Variants in CKAP5 observed in about 807,000 individuals in gnomAD.
CKAP5 encodes the protein cytoskeleton-associated protein 5.
CKAP5 carries 27 observed loss-of-function variants against 232.8 expected under a neutral mutation model. The observed-to-expected ratio is 0.12, with a 90% CI of 0.09 to 0.16. The LOEUF is 0.16. CKAP5 is among the 10% of genes least tolerant of loss of function. The probability of loss-of-function intolerance (pLI) is 1.00; values close to 1 mark genes in which losing one functional copy is unlikely to be tolerated. For synonymous variants in CKAP5, 785 were observed against 841.1 expected (o/e 0.93, Z 1.16); for missense variants, 1,838 against 2,424.7 (o/e 0.76, Z 5.08).
At chr11:46,788,586 AATC>A in intron 16 of CKAP5, 92 bp downstream of exon 16, 1 of 795,646 alleles carries the variant, frequency 1.3e-6, no homozygotes, top group South Asian at 1.6e-5. Context: ...AAAAAAAAAA[AATC>A]ATTACGAAAA....
At chr11:46,753,026 CATG>C in intron 37 of CKAP5, 1 of 434,742 alleles carries the variant, frequency 2.3e-6, no homozygotes, top group Non-Finnish European at 4.0e-6. Context: ...ATAGAAAATG[CATG>C]ATATTGGCTG....
chr11:46,783,147 TATATAA>T, intron 18 of CKAP5, 121 bp downstream of exon 18: 1 of 523,582 alleles, frequency 1.9e-6, no homozygotes, highest in Non-Finnish European at 3.3e-6. Flanking sequence ...AATTTTCTTT[TATATAA>T]ATGAGACAAT....
At chr11:46,751,953 TCACA>T (rs2065067374) in intron 38 of CKAP5, among the ~76,000 whole-genome samples, 1 of 151,888 alleles carries the variant, frequency 6.6e-6, no homozygotes, top group African/African-American at 2.4e-5. Context: ...TTGGTCTCTT[TCACA>T]AAAGAGACCA....
chr11:46,796,902 T>C lies in CKAP5; in HGVS notation c.1377A>G (p.Ala459=). 1 of 1,614,072 alleles carries C rather than the reference T, an allele frequency of 6.2e-7. No homozygotes were observed. The highest frequency in any genetic ancestry group is 8.5e-7 in the Non-Finnish European group (1 of 1,179,952). ...NDSAPEVRDA[A]FEALGTALKV... is the part of the protein sequence containing the mutation. ...TCAAAGCAGTACCCAATGCTTCAAATGCGGCATCTCTGACTTCAGGAGCAG... is the reference window on the plus strand; with the variant it reads ...TCAAAGCAGTACCCAATGCTTCAAACGCGGCATCTCTGACTTCAGGAGCAG... The change falls in exon 12 of 44, where the codon GCA becomes GCG. Residue 459 remains alanine, a synonymous_variant. Transcript: ENST00000529230.
chr11:46,813,892 T>C (rs1328743114), intron 4 of CKAP5, among the ~76,000 whole-genome samples: 2 of 152,084 alleles, frequency 1.3e-5, no homozygotes, highest in African/African-American at 2.4e-5. Context: ...CCCAGCACTT[T>C]GGGAGGCCGA....
intron 26 of CKAP5, among the ~76,000 whole-genome samples, chr11:46,769,255 G>A (rs766200728): frequency 6.6e-6 from 1 of 152,136 alleles, no homozygotes; most frequent in Non-Finnish European, 1.5e-5. Context: ...AAGAAATCAA[G>A]AATTATCCCT....
chr11:46,799,904 G>C (rs1938987012), intron 9 of CKAP5, among the ~76,000 whole-genome samples: 1 of 152,082 alleles, frequency 6.6e-6, no homozygotes, highest in Non-Finnish European at 1.5e-5. Context: ...AGGAGACTGA[G>C]GTGGGAGGAT....
intron 1 of CKAP5, among the ~76,000 whole-genome samples, chr11:46,826,410 C>G (rs935850822): frequency 1.3e-5 from 2 of 152,136 alleles, no homozygotes; most frequent in African/African-American, 4.8e-5. Context: ...CTTCAAATAC[C>G]AGGGTAAGGA....
intron 35 of CKAP5, among the ~76,000 whole-genome samples, chr11:46,755,906 G>A (rs968605480): frequency 6.6e-6 from 1 of 152,116 alleles, no homozygotes; most frequent in African/African-American, 2.4e-5. Context: ...TCCAGCCTGG[G>A]TGACAAAGCG....
chr11:46,839,152 G>A (rs1479300418), intron 1 of CKAP5, among the ~76,000 whole-genome samples: 5 of 152,176 alleles, frequency 3.3e-5, no homozygotes. Context: ...GAAAAGTGAA[G>A]TAAAAGTGAC....
chr11:46,836,666 T>C (rs568367924), intron 1 of CKAP5, among the ~76,000 whole-genome samples: 89 of 152,324 alleles, frequency 5.8e-4, no homozygotes, highest in African/African-American at 2.1e-3. Context: ...CTCTCATTCA[T>C]TGCTAATAGG....
At chr11:46,809,659 A>C in intron 6 of CKAP5, 83 bp downstream of exon 6, 1 of 1,511,776 alleles carries the variant, frequency 6.6e-7, no homozygotes, top group Admixed American at 1.8e-5. Flanking sequence ...AATCCTACAA[A>C]ATATGCCTAA....
chr11:46,799,872 G>A (rs1938986016), intron 9 of CKAP5, among the ~76,000 whole-genome samples: 2 of 151,992 alleles, frequency 1.3e-5, no homozygotes, highest in Admixed American at 6.6e-5. Context: ...GGTGTGGGGT[G>A]TGCCTGAAGT....
intron 5 of CKAP5, 90 bp downstream of exon 5, chr11:46,810,917 A>ATTT (rs796996620): frequency 6.0e-6 from 7 of 1,171,354 alleles, no homozygotes; most frequent in South Asian, 5.6e-5. Context: ...TAAAATAATT[A>ATTT]TTTTTAAGGA....
chr11:46,816,195 T>C lies in CKAP5; in HGVS notation c.458+3A>G. 1 of 1,612,664 alleles carries C rather than the reference T, an allele frequency of 6.2e-7. No individual in the cohort carries two copies. The highest frequency in any genetic ancestry group is 8.5e-7 in the Non-Finnish European group (1 of 1,179,222). On this transcript the variant is annotated splice_donor_region_variant and intron_variant, in intron 4 of 43. Transcript: ENST00000529230. ...AGTTAACAAAGCTAAAACAAAGTCT[T>C]ACCTTAAGGCTTTCCTCAGTGTCTC...
intron 9 of CKAP5, among the ~76,000 whole-genome samples, chr11:46,798,472 TG>T (rs1482790318): frequency 6.6e-6 from 1 of 150,748 alleles, no homozygotes; most frequent in African/African-American, 2.4e-5. Flanking sequence ...CCCAGCTACT[TG>T]GGAGGCTGAG....
At chr11:46,793,904 G>A (rs1019159850) in intron 13 of CKAP5, among the ~76,000 whole-genome samples, 2 of 151,874 alleles carry the variant, frequency 1.3e-5, no homozygotes, top group Middle Eastern at 3.4e-3. Context: ...TCCAGCCTGG[G>A]TGACAGTGCA....
chr11:46,811,134 A>G lies in CKAP5; in HGVS notation c.503T>C (p.Val168Ala), dbSNP rs201062200. ...KIILLKPIIK[V>A]LPKLFESREK... ...TCGAGACTCAAAGAGTTTTGGCAAC[A>G]CTTTGATAATTGGCTTAAGCAAGAT... Residue 168 changes from valine to alanine, a missense_variant, in exon 5 of 44, where the codon GTG becomes GCG. This residue lies in a region of CKAP5 where 285 missense variants were observed against 300.0 expected (regional missense o/e 0.95). Coordinates refer to ENST00000529230, the MANE Select transcript of CKAP5 (RefSeq NM_001008938.4). 3.1e-5 allele frequency: 50 copies of G among 1,613,830 alleles called. No individual in the cohort carries two copies. In the Admixed American group the frequency reaches 8.2e-4, roughly 26 times the overall value.
rs1356937383 is a variant in CKAP5 at position 46,759,025 on chromosome 11, T to C, written c.4587A>G (p.Pro1529=). The change falls in exon 35 of 44, where the codon CCA becomes CCG. Residue 1529 remains proline (P), a synonymous_variant. Transcript: ENST00000529230. ...IPEPKIRAVS[P]HFDDMHSNTA... Reference sequence around the variant, plus strand: ...TATTACTGTGCATGTCATCGAAGTGTGGAGAAACAGCCCGGATCCTAGATA... The same window carrying C: ...TATTACTGTGCATGTCATCGAAGTGCGGAGAAACAGCCCGGATCCTAGATA... 9.3e-6 allele frequency: 15 copies of C among 1,612,962 alleles called. No individual in the cohort carries two copies. The highest frequency in any genetic ancestry group is 1.2e-5 in the Non-Finnish European group (14 of 1,179,894).
Sources: gnomAD v4.1 joint callset for allele counts (sites outside exome capture counted in the v4.1 genomes callset) on GRCh38, gnomAD v4.1.1 for gene constraint, gnomAD v4.1.1 regional missense constraint, MANE v1.5 for transcripts, NCBI Gene and HGNC (gene_info 2026-07-23, HGNC 2026-07-21) for gene names.